Variants in DHX57 observed in about 807,000 individuals in gnomAD.
The protein encoded by DHX57 is putative ATP-dependent RNA helicase DHX57.
DHX57 carries 105 observed loss-of-function variants against 156.2 expected under a neutral mutation model. The observed-to-expected ratio is 0.67, with a 90% CI of 0.57 to 0.79. The LOEUF (loss-of-function observed/expected upper bound fraction) is 0.79, where lower values mean the gene tolerates loss of function less well. Ranked by LOEUF, DHX57 falls within the 30% of genes least tolerant of loss-of-function variation. The pLI is 0.00. For synonymous variants in DHX57, 704 were observed against 595.6 expected (o/e 1.18, Z -2.65); for missense variants, 1,847 against 1,661.9 (o/e 1.11, Z -1.94).
In DHX57 at chr2:38,858,787, T is replaced by G. The variant is rs1218377799; in HGVS notation, c.1461A>C (p.Ala487=). 6.2e-7 allele frequency: 1 copy of G among 1,613,794 alleles called. No individual in the cohort carries two copies. Among genetic ancestry groups the G allele is most frequent in the Non-Finnish European group, 8.5e-7 (1 of 1,179,944 alleles). The change falls in exon 6 of 24, where the codon GCA becomes GCC. Residue 487 remains alanine, a synonymous_variant. Coordinates refer to ENST00000457308, the MANE Select transcript of DHX57 (RefSeq NM_198963.3). ...SEESDEDDGP[A]PVIVENESYV... ...AGCTTTCATTCTCTACTATAACAGG[T>G]GCAGGACCGTCATCCTCATCTGACT...
chr2:38,810,524 G>A (rs1391923143), intron 21 of DHX57: 1 of 560,756 alleles, frequency 1.8e-6, no homozygotes. Context: ...CGACTGGCTG[G>A]CTCATCATTG....
At chr2:38,861,984 G>A (rs1673250908) in intron 4 of DHX57, 147 bp from the exon 5 acceptor site, 1 of 1,219,178 alleles carries the variant, frequency 8.2e-7, no homozygotes, top group Admixed American at 2.8e-5. Flanking sequence ...ATAACAATAA[G>A]CCCCCCTGAA....
At chr2:38,856,725 C>G (rs915373736) in intron 6 of DHX57, 49 of 253,926 alleles carry the variant, frequency 1.9e-4, no homozygotes, top group Non-Finnish European at 6.7e-5. Flanking sequence ...TGGCCTCAAA[C>G]TCCTGTGCTC....
chr2:38,832,070 T>C (rs1671411565), intron 13 of DHX57, among the ~76,000 whole-genome samples: 2 of 152,070 alleles, frequency 1.3e-5, no homozygotes, highest in South Asian at 4.1e-4. Flanking sequence ...TGATACTGTA[T>C]TAGCCAACAC....
intron 1 of DHX57, among the ~76,000 whole-genome samples, chr2:38,870,654 C>T (rs1665309929): frequency 6.6e-6 from 1 of 152,084 alleles, no homozygotes; most frequent in Non-Finnish European, 1.5e-5. Context: ...CCAAGGCGGG[C>T]AGATCACGAG....
Position 38,864,796 on chromosome 2 carries a change from A to G in DHX57, c.225-1277T>C, listed in dbSNP as rs549645979. Among the ~76,000 whole-genome samples the G allele has an allele frequency of 3.3e-5, 5 of 152,256 alleles. No homozygotes were observed. In the South Asian group the frequency reaches 1.0e-3, roughly 32 times the overall value. ...ACTTCTCATTTAGGTTATCAAAATC[A>G]TTGTCTCTGTCTCCATTTTCTTTCC... On this transcript the variant is annotated intron_variant, in intron 2 of 23. Coordinates refer to ENST00000457308, the MANE Select transcript of DHX57 (RefSeq NM_198963.3).
rs771738207 is a variant in DHX57, at chr2:38,819,094, A to G, written c.3342T>C (p.Phe1114=). Residue 1114 remains phenylalanine (F), a synonymous_variant, in exon 18 of 24, where the codon TTT becomes TTC. Coordinates refer to ENST00000457308, the MANE Select transcript of DHX57 (RefSeq NM_198963.3). ...CCAGATAATCACTGTTTGCGAATGC[A>G]AATTCCAGCTTTTTCTGGTTAGCTT... ...KEEANQKKLE[F]AFANSDYLAL... 1 of 1,614,240 alleles carries G rather than the reference A, an allele frequency of 6.2e-7. No individual in the cohort carries two copies. Among genetic ancestry groups the G allele is most frequent in the Admixed American group, 1.7e-5 (1 of 60,022 alleles).
chr2:38,864,868 A>T (rs1455899268), intron 2 of DHX57, among the ~76,000 whole-genome samples: 1 of 152,194 alleles, frequency 6.6e-6, no homozygotes, highest in Non-Finnish European at 1.5e-5. Context: ...ATGCTACTAC[A>T]GCTCTTGTCA....
At chr2:38,849,268 T>A (rs1430975271) in intron 9 of DHX57, among the ~76,000 whole-genome samples, 3 of 152,162 alleles carry the variant, frequency 2.0e-5, no homozygotes, top group Non-Finnish European at 4.4e-5. Flanking sequence ...CATGAAAACA[T>A]CTCTAAGACA....
At chr2:38,824,552 G>A (rs1042295027) in intron 16 of DHX57, among the ~76,000 whole-genome samples, 1 of 152,152 alleles carries the variant, frequency 6.6e-6, no homozygotes, top group African/African-American at 2.4e-5. Context: ...AACTTAGATA[G>A]TTCTGACTGC....
chr2:38,868,749 C>T (rs1367315457), intron 1 of DHX57, among the ~76,000 whole-genome samples: 1 of 152,184 alleles, frequency 6.6e-6, no homozygotes, highest in Non-Finnish European at 1.5e-5. Flanking sequence ...TGTCAAAATA[C>T]ACATGTCTAG....
intron 21 of DHX57, among the ~76,000 whole-genome samples, chr2:38,812,788 C>T (rs1670321933): frequency 6.6e-6 from 1 of 152,032 alleles, no homozygotes. Flanking sequence ...CCGCCTCGGC[C>T]TCCCAAAGTG....
intron 5 of DHX57, among the ~76,000 whole-genome samples, chr2:38,859,585 A>C (rs993291452): frequency 6.6e-6 from 1 of 152,176 alleles, no homozygotes; most frequent in Admixed American, 6.5e-5. Flanking sequence ...AAAGTGCATG[A>C]CACATAATTT....
Position 38,815,595 on chromosome 2 carries a change from C to T in DHX57, c.3532G>A (p.Glu1178Lys), listed in dbSNP as rs748553445. Reference protein sequence around the residue: ...ELLSDIGFAREGLRAREIEKR... With the variant: ...ELLSDIGFARKGLRAREIEKR... Reference sequence around the variant, plus strand: ...TCAATTTCCCTTGCTCTGAGCCCTTCCCTTGCAAACCCTATATCCGATAAC... The same window carrying T: ...TCAATTTCCCTTGCTCTGAGCCCTTTCCTTGCAAACCCTATATCCGATAAC... Residue 1178 changes from glutamate to lysine, a missense_variant, in exon 20 of 24, where the codon GAA becomes AAA. Glu to Lys is a moderately conservative substitution (Grantham distance 56). Transcript: ENST00000457308. 6 of 1,614,136 alleles carry T rather than the reference C, an allele frequency of 3.7e-6. No individual in the cohort carries two copies. The highest frequency in any genetic ancestry group is 3.3e-5 in the South Asian group (3 of 91,088).
chr2:38,810,086 G>T (rs1049298990), intron 21 of DHX57, among the ~76,000 whole-genome samples: 1 of 151,636 alleles, frequency 6.6e-6, no homozygotes, highest in African/African-American at 2.4e-5. Context: ...GTAGAGATGG[G>T]GTTTCACCAT....
rs192561021 is a variant in DHX57 at position 38,855,126 on chromosome 2, G to A, written c.1836C>T (p.Arg612=). 8.7e-6 allele frequency: 14 copies of A among 1,613,974 alleles called. No homozygotes were observed. Among genetic ancestry groups the A allele is most frequent in the Admixed American group, 3.3e-5 (2 of 59,982 alleles). Residue 612 remains arginine (R), a synonymous_variant, in exon 8 of 24, where the codon CGC becomes CGT. Transcript: ENST00000457308. ...RRISAISVAE[R]VAKERAERVG... ...CCCTCTCTGCTCTTTCTTTAGCAAC[G>A]CGTTCAGCAACAGAGATTGCAGAGA...
intron 9 of DHX57, among the ~76,000 whole-genome samples, chr2:38,851,049 C>G (rs116474302): frequency 6.6e-6 from 1 of 151,956 alleles, no homozygotes; most frequent in Non-Finnish European, 1.5e-5. Context: ...TGCACTCCAG[C>G]CTGGATGACA....
intron 8 of DHX57, 78 bp downstream of exon 8, chr2:38,854,979 A>G: frequency 4.0e-6 from 6 of 1,486,908 alleles, no homozygotes; most frequent in Non-Finnish European, 5.6e-6. Flanking sequence ...ATTGCCCATG[A>G]ATCTCCTAAC....
intron 1 of DHX57, among the ~76,000 whole-genome samples, chr2:38,873,259 G>C (rs1361079600): frequency 6.6e-6 from 1 of 152,138 alleles, no homozygotes; most frequent in Non-Finnish European, 1.5e-5. Flanking sequence ...CCAAAGTGCA[G>C]GGATTACAGG....
Sources: gnomAD v4.1 joint callset for allele counts (sites outside exome capture counted in the v4.1 genomes callset) on GRCh38, gnomAD v4.1.1 for gene constraint, MANE v1.5 for transcripts, NCBI Gene and HGNC (gene_info 2026-07-23, HGNC 2026-07-21) for gene names.